Variants in KCNN2 observed in about 807,000 individuals in gnomAD.
KCNN2 encodes the protein potassium calcium-activated channel subfamily N member 2, also known as small conductance calcium-activated potassium channel protein 2.
A neutral mutation model predicts 55.5 loss-of-function variants in KCNN2; 24 were observed. The ratio of observed to expected loss-of-function variants is 0.43; its 90% confidence interval spans 0.31 to 0.61. The LOEUF is 0.61. Ranked by LOEUF, KCNN2 falls within the 20% of genes least tolerant of loss-of-function variation. The pLI is 0.08. For synonymous variants in KCNN2, 431 were observed against 336.1 expected (o/e 1.28, Z -3.09); for missense variants, 754 against 853.6 (o/e 0.88, Z 1.45).
At chr5:114,434,762 C>T (rs1003084854) in intron 3 of KCNN2, among the ~76,000 whole-genome samples, 1 of 152,100 alleles carries the variant, frequency 6.6e-6, no homozygotes, top group African/African-American at 2.4e-5. Context: ...CATTTAGATG[C>T]AACAGTAAGG....
intron 2 of KCNN2, among the ~76,000 whole-genome samples, chr5:114,297,091 A>G (rs886208407): frequency 6.6e-6 from 1 of 152,164 alleles, no homozygotes; most frequent in Non-Finnish European, 1.5e-5. Flanking sequence ...CTGTAATTCA[A>G]TATAATGTAT....
chr5:114,397,927 A>T (rs1758668941), intron 2 of KCNN2, among the ~76,000 whole-genome samples: 2 of 152,188 alleles, frequency 1.3e-5, no homozygotes, highest in Non-Finnish European at 2.9e-5. Flanking sequence ...GCTGGATATT[A>T]GACCTTTGTC....
At chr5:114,464,981 A>ATTTATAAAAACTAG (rs1329695462) in intron 4 of KCNN2, among the ~76,000 whole-genome samples, 1 of 152,134 alleles carries the variant, frequency 6.6e-6, no homozygotes, top group Non-Finnish European at 1.5e-5. Context: ...AAATGATGCT[A>ATTTATAAAAACTAG]TTTATAAAAA....
intron 2 of KCNN2, among the ~76,000 whole-genome samples, chr5:114,303,870 A>C (rs1756216140): frequency 6.6e-6 from 1 of 152,204 alleles, no homozygotes; most frequent in Non-Finnish European, 1.5e-5. Context: ...TTCAGAAGGA[A>C]GGATGATATA....
At chr5:114,146,823 A>G (rs539316900) in intron 1 of KCNN2, among the ~76,000 whole-genome samples, 2 of 152,316 alleles carry the variant, frequency 1.3e-5, no homozygotes, top group Non-Finnish European at 2.9e-5. Context: ...TAGAATATCA[A>G]CTTTATGATT....
chr5:114,410,383 C>G lies in KCNN2; in HGVS notation c.1637+5527C>G, dbSNP rs552091458. 3.3e-5 allele frequency among the ~76,000 whole-genome samples: 5 copies of G among 152,234 alleles called. No homozygotes were observed. The East Asian group carries it at 9.7e-4, about 29-fold the overall frequency. ...TAGAACTGGATATTGTGGGTCAGTG[C>G]TGTGTTACACAAAGAAAGGAGTTTT... is the stretch of plus-strand genomic sequence containing the variant. On this transcript the variant is annotated intron_variant, in intron 3 of 7. Coordinates refer to ENST00000673685, the MANE Select transcript of KCNN2 (RefSeq NM_021614.4).
At chr5:114,132,355 C>A (rs1426193661) in intron 1 of KCNN2, among the ~76,000 whole-genome samples, 3 of 152,086 alleles carry the variant, frequency 2.0e-5, no homozygotes, top group African/African-American at 7.2e-5. Flanking sequence ...ATATGACTAG[C>A]CAGTTCTCCC....
chr5:114,348,991 CCA>C (rs896467487), intron 2 of KCNN2, among the ~76,000 whole-genome samples: 22 of 126,994 alleles, frequency 1.7e-4, no homozygotes, highest in African/African-American at 5.3e-4. Flanking sequence ...ATAACCATCA[CCA>C]CACTCCAGTT....
At chr5:114,141,750 G>C (rs1752286400) in intron 1 of KCNN2, among the ~76,000 whole-genome samples, 1 of 152,210 alleles carries the variant, frequency 6.6e-6, no homozygotes, top group African/African-American at 2.4e-5. Flanking sequence ...CCCACCAGCA[G>C]TGTAAAAGTG....
intron 3 of KCNN2, among the ~76,000 whole-genome samples, chr5:114,416,740 CAG>C (rs1476627483): frequency 1.3e-5 from 2 of 152,180 alleles, no homozygotes; most frequent in East Asian, 1.9e-4. Context: ...AATATTCTAA[CAG>C]AAGATATAAT....
At chr5:114,130,645 A>G (rs1752053043) in intron 1 of KCNN2, among the ~76,000 whole-genome samples, 2 of 152,262 alleles carry the variant, frequency 1.3e-5, no homozygotes, top group South Asian at 4.1e-4. Flanking sequence ...CCTATAGTCC[A>G]TCTGGATCTT....
At chr5:114,268,472 T>G (rs1432038490) in intron 2 of KCNN2, among the ~76,000 whole-genome samples, 1 of 152,236 alleles carries the variant, frequency 6.6e-6, no homozygotes, top group Non-Finnish European at 1.5e-5. Flanking sequence ...TTCTGCAGTT[T>G]GCACTTTCAT....
intron 2 of KCNN2, among the ~76,000 whole-genome samples, chr5:114,248,768 T>A (rs1754799191): frequency 6.6e-6 from 1 of 152,210 alleles, no homozygotes. Flanking sequence ...CAAGTACTTT[T>A]TCTGACTTCC....
intron 1 of KCNN2, among the ~76,000 whole-genome samples, chr5:114,112,658 T>C (rs980005900): frequency 1.5e-4 from 22 of 143,864 alleles, no homozygotes; most frequent in African/African-American, 6.0e-4. Context: ...GGTCTGTAAA[T>C]TTCAAGATTG....
intron 2 of KCNN2, among the ~76,000 whole-genome samples, chr5:114,228,687 G>A (rs1303693598): frequency 3.9e-5 from 6 of 152,074 alleles, no homozygotes; most frequent in Non-Finnish European, 7.4e-5. Flanking sequence ...TACTTGGAAA[G>A]TATGTATTCA....
chr5:114,259,828 G>T (rs1426340361), intron 2 of KCNN2, among the ~76,000 whole-genome samples: 1 of 152,076 alleles, frequency 6.6e-6, no homozygotes, highest in Non-Finnish European at 1.5e-5. Context: ...TCTTCCCTGA[G>T]GTCTTCACTA....
intron 2 of KCNN2, among the ~76,000 whole-genome samples, chr5:114,333,333 A>T (rs1407393721): frequency 1.3e-5 from 2 of 152,158 alleles, no homozygotes; most frequent in Non-Finnish European, 1.5e-5. Context: ...TTGCTTGTTT[A>T]TATCTGACTT....
chr5:114,201,291 T>TTAATAA (rs138477828), intron 1 of KCNN2, among the ~76,000 whole-genome samples: 5 of 151,634 alleles, frequency 3.3e-5, no homozygotes, highest in African/African-American at 4.8e-5. Context: ...ATGTGGGTTA[T>TTAATAA]TAATAATAAT....
At chr5:114,423,497 A>G (rs1199261651) in intron 3 of KCNN2, among the ~76,000 whole-genome samples, 5 of 152,064 alleles carry the variant, frequency 3.3e-5, no homozygotes, top group Non-Finnish European at 7.4e-5. Flanking sequence ...ATTAAGACCT[A>G]TTTCTAAAGG....
Sources: allele counts gnomAD v4.1 joint callset (sites outside exome capture counted in the v4.1 genomes callset), GRCh38; gene constraint gnomAD v4.1.1; transcripts MANE v1.5; gene names NCBI Gene and HGNC (gene_info 2026-07-23, HGNC 2026-07-21).